The following NYAP2 variants were observed in gnomAD, a reference collection of about 807,000 sequenced individuals.
NYAP2 encodes neuronal tyrosine-phosphorylated phosphoinositide-3-kinase adaptor 2.
In NYAP2, 23 loss-of-function variants were observed where a neutral mutation model predicts 50.4. The ratio of observed to expected loss-of-function variants is 0.46; its 90% CI spans 0.33 to 0.65. The LOEUF is 0.65. NYAP2 is among the 30% of genes least tolerant of loss of function. NYAP2 has a pLI of 0.02. For missense variants in NYAP2, 885 were observed against 861.0 expected (o/e 1.03, Z -0.35); for synonymous variants, 394 against 365.2 (o/e 1.08, Z -0.90).
chr2:225,583,116 C>T (rs1016854222), intron 5 of NYAP2, 81 bp downstream of exon 5: 11 of 1,479,732 alleles, frequency 7.4e-6, no homozygotes, highest in Middle Eastern at 2.3e-4. Flanking sequence ...GTGCAGATAA[C>T]GCACAGAGTA....
chr2:225,444,794 A>G (rs895107387), intron 3 of NYAP2, among the ~76,000 whole-genome samples: 3 of 152,168 alleles, frequency 2.0e-5, no homozygotes, highest in Admixed American at 2.0e-4. Flanking sequence ...AAACAAAAAC[A>G]TTTCTCCAAT....
chr2:225,613,217 C>T (rs1692930275), intron 5 of NYAP2, among the ~76,000 whole-genome samples: 1 of 152,112 alleles, frequency 6.6e-6, no homozygotes, highest in African/African-American at 2.4e-5. Context: ...GCCTGAGAGT[C>T]CCCAGAAATC....
chr2:225,596,478 C>G (rs1016178757), intron 5 of NYAP2, among the ~76,000 whole-genome samples: 1 of 152,122 alleles, frequency 6.6e-6, no homozygotes, highest in Non-Finnish European at 1.5e-5. Flanking sequence ...AAATATGCAT[C>G]CGACCTCCCC....
chr2:225,540,887 A>G (rs79948380), intron 4 of NYAP2, among the ~76,000 whole-genome samples: 63 of 152,294 alleles, frequency 4.1e-4, no homozygotes, highest in African/African-American at 1.3e-3. Context: ...TGGTTTTACT[A>G]ATTAACACTC....
chr2:225,538,892 A>G (rs1272837742), intron 4 of NYAP2, among the ~76,000 whole-genome samples: 1 of 148,618 alleles, frequency 6.7e-6, no homozygotes, highest in Non-Finnish European at 1.5e-5. Flanking sequence ...CATGTGCAGA[A>G]CATGCAGGCT....
intron 5 of NYAP2, among the ~76,000 whole-genome samples, chr2:225,613,230 C>T (rs572226765): frequency 6.6e-6 from 1 of 152,268 alleles, no homozygotes; most frequent in Non-Finnish European, 1.5e-5. Flanking sequence ...CAGAAATCCA[C>T]TGGTGCAAGT....
At chr2:225,621,910 T>A (rs1230130695) in intron 5 of NYAP2, among the ~76,000 whole-genome samples, 1 of 152,182 alleles carries the variant, frequency 6.6e-6, no homozygotes, top group Admixed American at 6.5e-5. Context: ...TACCCCACTG[T>A]ATGCCTGTAC....
intron 6 of NYAP2, among the ~76,000 whole-genome samples, chr2:225,648,284 G>A (rs1334833536): frequency 1.3e-5 from 2 of 152,170 alleles, no homozygotes; most frequent in East Asian, 1.9e-4. Flanking sequence ...ACAGGTGTGA[G>A]CCACTGCACC....
intron 5 of NYAP2, among the ~76,000 whole-genome samples, chr2:225,591,741 G>T (rs1457658448): frequency 6.6e-6 from 1 of 152,134 alleles, no homozygotes. Context: ...TCGATTTAAT[G>T]ATACCTTATC....
chr2:225,607,896 T>C (rs1692815648), intron 5 of NYAP2, among the ~76,000 whole-genome samples: 1 of 152,102 alleles, frequency 6.6e-6, no homozygotes, highest in African/African-American at 2.4e-5. Context: ...GTAAAAAGGG[T>C]TGTTGAACAA....
intron 4 of NYAP2, among the ~76,000 whole-genome samples, chr2:225,546,993 G>A (rs1291073489): frequency 6.6e-6 from 1 of 152,104 alleles, no homozygotes; most frequent in Non-Finnish European, 1.5e-5. Context: ...ATGGGAACTG[G>A]GGCCTAGAAG....
intron 3 of NYAP2, among the ~76,000 whole-genome samples, chr2:225,443,029 C>T (rs533595287): frequency 6.6e-6 from 1 of 152,260 alleles, no homozygotes; most frequent in Admixed American, 6.5e-5. Context: ...CCATCAGTCT[C>T]ATGAGACTTA....
intron 4 of NYAP2, among the ~76,000 whole-genome samples, chr2:225,537,030 G>A (rs1421349580): frequency 4.0e-5 from 6 of 151,790 alleles, no homozygotes; most frequent in Non-Finnish European, 7.4e-5. Flanking sequence ...CGCTCGCCTC[G>A]GCTTCCCAAA....
At chr2:225,464,282 G>A (rs1689880664) in intron 3 of NYAP2, among the ~76,000 whole-genome samples, 1 of 152,112 alleles carries the variant, frequency 6.6e-6, no homozygotes, top group Non-Finnish European at 1.5e-5. Flanking sequence ...CTCTCCCTCT[G>A]CTCAATTGCC....
At chr2:225,527,642 C>T (rs1198905148) in intron 4 of NYAP2, among the ~76,000 whole-genome samples, 5 of 152,080 alleles carry the variant, frequency 3.3e-5, no homozygotes, top group African/African-American at 4.8e-5. Context: ...CCAGAACAAT[C>T]TACTTTATTA....
Position 225,619,993 on chromosome 2 carries a change from C to T in NYAP2, c.1619-6924C>T, listed in dbSNP as rs531782335. The stretch of plus-strand genomic sequence containing the variant: ...TCATTCACTGAATAGAGGATAGGTG[C>T]GTTCTATGCAGTTGGCACCGTGAGC... On this transcript the variant is annotated intron_variant, in intron 5 of 6. Coordinates refer to ENST00000636099, the Ensembl canonical transcript of NYAP2. Among the ~76,000 whole-genome samples the T allele has an allele frequency of 3.3e-5, 5 of 152,254 alleles. No homozygotes were observed. In the East Asian group the frequency reaches 5.8e-4, roughly 18 times the overall value.
chr2:225,523,284 C>G (rs1691097829), intron 4 of NYAP2, among the ~76,000 whole-genome samples: 1 of 151,124 alleles, frequency 6.6e-6, no homozygotes, highest in African/African-American at 2.4e-5. Context: ...CAAATTATCC[C>G]TGTTCACTGA....
chr2:225,482,970 ACTT>A (rs1690231295), intron 3 of NYAP2, among the ~76,000 whole-genome samples: 1 of 152,164 alleles, frequency 6.6e-6, no homozygotes, highest in Admixed American at 6.5e-5. Context: ...TAAATATTGT[ACTT>A]CTTTACCAAG....
At chr2:225,580,925 A>T (rs1158266954) in intron 4 of NYAP2, among the ~76,000 whole-genome samples, 1 of 152,206 alleles carries the variant, frequency 6.6e-6, no homozygotes, top group Non-Finnish European at 1.5e-5. Flanking sequence ...TACATTGCAT[A>T]ATAAAGATGA....
Sources: gnomAD v4.1 joint callset for allele counts (sites outside exome capture counted in the v4.1 genomes callset) on GRCh38, gnomAD v4.1.1 for gene constraint, MANE v1.5 for transcripts, NCBI Gene and HGNC (gene_info 2026-07-23, HGNC 2026-07-21) for gene names.